The following GABBR2 variants were observed in gnomAD, a reference collection of about 807,000 sequenced individuals.
The protein encoded by GABBR2 is G-protein coupled receptor 51.
Under a neutral mutation model 105.6 loss-of-function variants are expected in GABBR2, and 23 were observed. That is an observed-to-expected ratio of 0.22 (90% CI 0.16 to 0.31). GABBR2 has a LOEUF of 0.31. GABBR2 is among the 10% of genes least tolerant of loss of function. GABBR2 has a pLI of 1.00. For missense variants in GABBR2, 734 were observed against 1,245.5 expected, an observed-to-expected ratio of 0.59 and a Z score of 6.18; for synonymous variants, 478 against 499.7, an observed-to-expected ratio of 0.96 and a Z score of 0.58.
chr9:98,349,068 T>C (rs1831346990), intron 13 of GABBR2, among the ~76,000 whole-genome samples: 1 of 152,192 alleles, frequency 6.6e-6, no homozygotes, highest in South Asian at 2.1e-4. Flanking sequence ...AGGTTTGTCA[T>C]AGATGGCCTT....
At chr9:98,655,651 C>T (rs932779124) in intron 1 of GABBR2, among the ~76,000 whole-genome samples, 1 of 152,168 alleles carries the variant, frequency 6.6e-6, no homozygotes, top group Non-Finnish European at 1.5e-5. Context: ...GAATACTATG[C>T]AGCCATAAAA....
At chr9:98,473,009 T>G in intron 6 of GABBR2, 137 bp downstream of exon 6, 1 of 672,776 alleles carries the variant, frequency 1.5e-6, no homozygotes, top group Non-Finnish European at 2.6e-6. Flanking sequence ...ATTTTACAGG[T>G]ACAAGAGGCT....
At chr9:98,339,688 G>A (rs7858416) in intron 13 of GABBR2, among the ~76,000 whole-genome samples, 10,600 of 152,222 alleles carry the variant, frequency 0.07, 545 homozygotes, top group African/African-American at 0.14. Context: ...TGTTTCCTCA[G>A]TTATTCAACT....
chr9:98,446,109 T>C (rs1826123472), intron 7 of GABBR2, among the ~76,000 whole-genome samples: 5 of 152,200 alleles, frequency 3.3e-5, no homozygotes. Flanking sequence ...ACTCCAGCCT[T>C]CTTACAAGTT....
At chr9:98,311,032 T>C in intron 14 of GABBR2, 63 bp downstream of exon 14, 2 of 886,768 alleles carry the variant, frequency 2.3e-6, no homozygotes, top group African/African-American at 3.3e-5. Flanking sequence ...TGGAGGCCCC[T>C]GGGAGACAGA....
At chr9:98,642,308 C>G (rs988147815) in intron 1 of GABBR2, among the ~76,000 whole-genome samples, 1 of 152,224 alleles carries the variant, frequency 6.6e-6, no homozygotes, top group South Asian at 2.1e-4. Flanking sequence ...AGCATCTGCT[C>G]CTGTCCCTCC....
At chr9:98,605,825 C>G (rs1394852134) in intron 1 of GABBR2, among the ~76,000 whole-genome samples, 1 of 152,056 alleles carries the variant, frequency 6.6e-6, no homozygotes, top group Non-Finnish European at 1.5e-5. Context: ...ATGTGCACAA[C>G]GTGGTCTGTT....
intron 3 of GABBR2, among the ~76,000 whole-genome samples, chr9:98,506,977 GGA>G (rs1158835105): frequency 6.6e-6 from 1 of 152,126 alleles, no homozygotes; most frequent in East Asian, 1.9e-4. Flanking sequence ...ACTGCTCCTC[GGA>G]GGCCTGTCTC....
At chr9:98,374,869 C>T (rs1439114498) in intron 11 of GABBR2, among the ~76,000 whole-genome samples, 1 of 152,086 alleles carries the variant, frequency 6.6e-6, no homozygotes, top group Non-Finnish European at 1.5e-5. Context: ...TGTGCTGAGC[C>T]CTGAGAGTCC....
At chr9:98,580,495 A>G (rs1828985477) in intron 1 of GABBR2, among the ~76,000 whole-genome samples, 1 of 152,194 alleles carries the variant, frequency 6.6e-6, no homozygotes, top group South Asian at 2.1e-4. Context: ...AGATTCAGTA[A>G]GATCTGTTGG....
At chr9:98,349,364 T>G (rs1588115398) in intron 13 of GABBR2, among the ~76,000 whole-genome samples, 3 of 90,478 alleles carry the variant, frequency 3.3e-5, no homozygotes, top group Non-Finnish European at 5.1e-5. Flanking sequence ...TTTTTTTTTT[T>G]TTTTTTTTTT....
chr9:98,309,575 A>G (rs572925088), intron 14 of GABBR2, among the ~76,000 whole-genome samples: 1 of 152,334 alleles, frequency 6.6e-6, no homozygotes, highest in South Asian at 2.1e-4. Context: ...CCTTCCAGCA[A>G]CTTTGCTTGG....
At chr9:98,436,362 T>C (rs1223520389) in intron 7 of GABBR2, among the ~76,000 whole-genome samples, 88 of 5,612 alleles carry the variant, frequency 0.016, 7 homozygotes, top group South Asian at 0.027. Context: ...TATATATATA[T>C]ATATATATAT....
At chr9:98,399,434 C>T (rs1169201949) in intron 8 of GABBR2, among the ~76,000 whole-genome samples, 3 of 152,150 alleles carry the variant, frequency 2.0e-5, no homozygotes, top group East Asian at 1.9e-4. Flanking sequence ...GACCTGAGTG[C>T]CCTCCTCTGA....
intron 13 of GABBR2, among the ~76,000 whole-genome samples, chr9:98,332,074 A>G (rs1318111746): frequency 6.6e-6 from 1 of 152,200 alleles, no homozygotes; most frequent in Non-Finnish European, 1.5e-5. Flanking sequence ...TGGGGTATGA[A>G]GGAGCCGAGC....
At chr9:98,662,610 T>C (rs1588273708) in intron 1 of GABBR2, among the ~76,000 whole-genome samples, 2 of 152,284 alleles carry the variant, frequency 1.3e-5, no homozygotes, top group Middle Eastern at 3.4e-3. Flanking sequence ...TCTGCTATGC[T>C]GAAATCAGGG....
At chr9:98,513,334 A>G (rs1255847726) in intron 3 of GABBR2, among the ~76,000 whole-genome samples, 1 of 152,238 alleles carries the variant, frequency 6.6e-6, no homozygotes, top group Non-Finnish European at 1.5e-5. Flanking sequence ...AAGATTCAGG[A>G]CATAGGCATG....
intron 10 of GABBR2, among the ~76,000 whole-genome samples, chr9:98,387,665 G>A (rs1260477839): frequency 6.6e-6 from 1 of 152,116 alleles, no homozygotes; most frequent in African/African-American, 2.4e-5. Context: ...AGTGGCTCAT[G>A]CCTCTAATTC....
intron 1 of GABBR2, chr9:98,606,976 T>G: frequency 1.3e-6 from 1 of 792,078 alleles, no homozygotes; most frequent in Non-Finnish European, 2.2e-6. Context: ...TCCAAACCGC[T>G]GCTCGCCCCA....
Sources: allele counts gnomAD v4.1 joint callset (sites outside exome capture counted in the v4.1 genomes callset), GRCh38; gene constraint gnomAD v4.1.1; transcripts MANE v1.5; gene names NCBI Gene and HGNC (gene_info 2026-07-23, HGNC 2026-07-21).